Variants in THSD7A observed in about 807,000 individuals in gnomAD.
THSD7A encodes thrombospondin type-1 domain-containing protein 7A.
A neutral mutation model predicts 231.3 loss-of-function variants in THSD7A; 96 were observed. That is an observed-to-expected ratio of 0.41 (90% CI 0.35 to 0.49). The LOEUF is 0.49. Among genes scored for constraint, THSD7A ranks in the 20% least tolerant of loss-of-function variants. THSD7A has a pLI of 0.05. For synonymous variants in THSD7A, 940 were observed against 743.3 expected, an observed-to-expected ratio of 1.26 and a Z score of -4.30; for missense variants, 2,290 against 2,070.2, an observed-to-expected ratio of 1.11 and a Z score of -2.06.
At chr7:11,527,267 A>T (rs1456723732) in intron 6 of THSD7A, among the ~76,000 whole-genome samples, 1 of 152,192 alleles carries the variant, frequency 6.6e-6, no homozygotes, top group African/African-American at 2.4e-5. Context: ...ATTTTGTGAC[A>T]ACATGTCATT....
At chr7:11,513,944 C>T (rs562447000) in intron 6 of THSD7A, among the ~76,000 whole-genome samples, 1 of 151,982 alleles carries the variant, frequency 6.6e-6, no homozygotes, top group East Asian at 1.9e-4. Flanking sequence ...TAGGTGCACA[C>T]ACACACACAC....
intron 6 of THSD7A, among the ~76,000 whole-genome samples, chr7:11,494,133 C>G (rs1787005960): frequency 6.6e-6 from 1 of 151,972 alleles, no homozygotes; most frequent in Admixed American, 6.6e-5. Flanking sequence ...ATACAATTTT[C>G]TGATGCCAAT....
At chr7:11,752,045 G>A (rs1782520418) in intron 1 of THSD7A, among the ~76,000 whole-genome samples, 1 of 152,106 alleles carries the variant, frequency 6.6e-6, no homozygotes, top group Non-Finnish European at 1.5e-5. Flanking sequence ...CCCAAGATCT[G>A]TCCATCAAAT....
chr7:11,373,556 G>C lies in THSD7A; in HGVS notation c.*2238C>G, dbSNP rs1229664151. ...TTTAAAGTAAAATTTTCATCTTCCT[G>C]ACTACCTGTTCTCTTTGAAATGATT... On this transcript the variant is annotated 3_prime_UTR_variant, in exon 28 of 28. Transcript: ENST00000423059. The C allele has an allele frequency of 1.3e-5, 2 of 151,828 alleles. No homozygotes were observed. The highest frequency in any genetic ancestry group is 2.9e-5 in the Non-Finnish European group (2 of 67,912). The allele number at this position is 151,828 out of a possible 1,614,324, so 9.4% of individuals were successfully genotyped here. A position where few individuals can be genotyped will look rare whatever the true frequency, so the allele number is the denominator to read the frequency against.
chr7:11,500,479 T>G lies in THSD7A; in HGVS notation c.1823-18497A>C, dbSNP rs188605308. On this transcript the variant is annotated intron_variant, in intron 6 of 27. Transcript: ENST00000423059. ...CATACATATTAATACTAACCTTGAA[T>G]GTAAATGGGCTAAATAACCCCACTT... Among the ~76,000 whole-genome samples, 11 of 152,214 alleles carry G rather than the reference T, an allele frequency of 7.2e-5. No homozygotes were observed. The East Asian group carries it at 2.1e-3, about 29-fold the overall frequency.
At position 11,636,979 on chromosome 7, in the gene THSD7A, C is replaced by CA. The variant is rs767159617; in HGVS notation, c.191-19dup. 3 of 1,581,808 alleles carry CA rather than the reference C, an allele frequency of 1.9e-6. No homozygotes were observed. The highest frequency in any genetic ancestry group is 2.3e-5 in the South Asian group (2 of 87,926). Reference sequence around the variant, plus strand: ...CCATGGACCTACAAAAATTATAACACAAAAATTAGCAGTGCTACTAGAAGA... The same window carrying CA: ...CCATGGACCTACAAAAATTATAACACAAAAAATTAGCAGTGCTACTAGAAGA... On this transcript the variant is annotated intron_variant, in intron 1 of 27. Transcript: ENST00000423059. This position sits in a 1 kb window ranked among gnomAD's most constrained non-coding sequence, Gnocchi z 10.0.
rs189399270 is a variant in THSD7A, at chr7:11,555,624, T to A, written c.1454-12507A>T. ...TCCGTATTTTTGCTGATTTTCGTCC[T>A]AATTATTCTATGAAGTGTTGGGAGT... On this transcript the variant is annotated intron_variant, in intron 4 of 27. Transcript: ENST00000423059. 6.6e-5 allele frequency among the ~76,000 whole-genome samples: 10 copies of A among 152,012 alleles called. No individual in the cohort carries two copies. In the East Asian group the frequency reaches 1.9e-3, roughly 29 times the overall value.
At chr7:11,726,857 T>G (rs1388350908) in intron 1 of THSD7A, among the ~76,000 whole-genome samples, 1 of 151,940 alleles carries the variant, frequency 6.6e-6, no homozygotes, top group South Asian at 2.1e-4. Flanking sequence ...GTGGGTCTCA[T>G]GTTTTCTAGA....
intron 2 of THSD7A, among the ~76,000 whole-genome samples, chr7:11,625,804 T>C (rs1167784313): frequency 6.6e-6 from 1 of 152,116 alleles, no homozygotes; most frequent in Non-Finnish European, 1.5e-5. Context: ...ACTATTCTTG[T>C]TTGAGTCAGA....
At chr7:11,563,672 G>A (rs948603497) in intron 4 of THSD7A, among the ~76,000 whole-genome samples, 4 of 152,064 alleles carry the variant, frequency 2.6e-5, no homozygotes, top group Non-Finnish European at 4.4e-5. Context: ...ACTGAGTTAT[G>A]GTTTTTGATT....
At chr7:11,737,957 T>C (rs1175733083) in intron 1 of THSD7A, among the ~76,000 whole-genome samples, 1 of 151,950 alleles carries the variant, frequency 6.6e-6, no homozygotes, top group Non-Finnish European at 1.5e-5. Context: ...GTTGGGAAAA[T>C]GGTAAACTGC....
intron 23 of THSD7A, chr7:11,385,087 A>G (rs1562565785): frequency 1.3e-5 from 2 of 150,828 alleles, no homozygotes; most frequent in African/African-American, 2.4e-5. Flanking sequence ...GCTTTTTCCA[A>G]TTCAATTTTA....
chr7:11,524,208 CTAAATGAAGGCTTGAA>C (rs1343121959), intron 6 of THSD7A, among the ~76,000 whole-genome samples: 8 of 152,060 alleles, frequency 5.3e-5, no homozygotes, highest in Non-Finnish European at 1.0e-4. Flanking sequence ...GAATCCAGCC[CTAAATGAAGGCTTGAA>C]TGCCAGTGTA....
At chr7:11,511,460 C>G (rs550986182) in intron 6 of THSD7A, among the ~76,000 whole-genome samples, 14 of 152,240 alleles carry the variant, frequency 9.2e-5, no homozygotes, top group African/African-American at 2.4e-4. Context: ...AACCAAAAAA[C>G]AGCCCGCATT....
At chr7:11,695,803 T>A (rs963895810) in intron 1 of THSD7A, among the ~76,000 whole-genome samples, 4 of 151,454 alleles carry the variant, frequency 2.6e-5, no homozygotes, top group African/African-American at 9.7e-5. Flanking sequence ...GATAAACCAA[T>A]GACATTTTTC....
Position 11,560,642 on chromosome 7 carries a change from T to C in THSD7A, c.1454-17525A>G, listed in dbSNP as rs191858722. On this transcript the variant is annotated intron_variant, in intron 4 of 27. Transcript: ENST00000423059. The stretch of plus-strand genomic sequence containing the variant: ...TTGCTCCCTTATAGCATGCAACCCA[T>C]GCAAAGCCCATTTATTGAAACTCCT... Among the ~76,000 whole-genome samples the C allele has an allele frequency of 1.3e-4, 20 of 152,258 alleles. No homozygotes were observed. The East Asian group carries it at 3.9e-3, about 29-fold the overall frequency.
At chr7:11,468,816 AGAGT>A (rs1192827750) in intron 9 of THSD7A, among the ~76,000 whole-genome samples, 1 of 152,188 alleles carries the variant, frequency 6.6e-6, no homozygotes, top group Admixed American at 6.6e-5. Flanking sequence ...CCTGGATGAC[AGAGT>A]GAGAGACTCT....
At chr7:11,666,574 A>C (rs543666301) in intron 1 of THSD7A, among the ~76,000 whole-genome samples, 14 of 152,150 alleles carry the variant, frequency 9.2e-5, no homozygotes, top group African/African-American at 2.9e-4. Context: ...GAGACCACCA[A>C]CATTTAATTT....
At chr7:11,601,910 G>A (rs1304820279) in intron 2 of THSD7A, among the ~76,000 whole-genome samples, 6 of 152,194 alleles carry the variant, frequency 3.9e-5, no homozygotes, top group African/African-American at 1.4e-4. Context: ...CACAGAGTAA[G>A]CAGTTGACTG....
Sources: gnomAD v4.1 joint callset for allele counts (sites outside exome capture counted in the v4.1 genomes callset) on GRCh38, gnomAD v4.1.1 for gene constraint, Gnocchi (gnomAD v3.1) non-coding constraint, MANE v1.5 for transcripts, NCBI Gene and HGNC (gene_info 2026-07-23, HGNC 2026-07-21) for gene names.